C11orf71: variants seen among roughly 807,000 people sequenced by gnomAD.
C11orf71 encodes the protein chromosome 11 open reading frame 71.
For synonymous variants in C11orf71, 72 were observed against 73.4 expected (o/e 0.98, Z 0.09); for missense variants, 179 against 167.6 (o/e 1.07, Z -0.38).
downstream of C11orf71, among the ~76,000 whole-genome samples, chr11:114,394,241 TCTTTTCTTTTCTTTTC>T (rs1565256565): frequency 1.7e-5 from 1 of 58,622 alleles, no homozygotes; most frequent in African/African-American, 1.4e-4. Flanking sequence ...TCTTTTCTTT[TCTTTTCTTTTCTTTTC>T]TTTTCTTTTC....
downstream of C11orf71, among the ~76,000 whole-genome samples, chr11:114,394,228 C>CCTTTCCTTTCTTTTCTTTTCT (rs1946101542): frequency 6.2e-5 from 3 of 48,700 alleles, no homozygotes; most frequent in Non-Finnish European, 1.1e-4. Context: ...CTTTTCTTTT[C>CCTTTCCTTTCTTTTCTTTTCT]TTTCTTTTCT....
intron 1 of C11orf71, chr11:114,391,812 A>C (rs1946074919): frequency 4.3e-6 from 2 of 467,814 alleles, no homozygotes; most frequent in Non-Finnish European, 7.8e-6. Context: ...GTCACAAAAG[A>C]ATATGTGCAA....
At chr11:114,395,225 G>A (rs556553017), downstream of C11orf71, among the ~76,000 whole-genome samples, 1 of 152,266 alleles carries the variant, frequency 6.6e-6, no homozygotes, top group African/African-American at 2.4e-5. Context: ...GAGTGAGGAG[G>A]TGCCCTCTGC....
Position 114,400,236 on chromosome 11 carries a change from C to T in C11orf71, c.96G>A (p.Ala32=), listed in dbSNP as rs1156539042. 1 of 1,611,608 alleles carries T rather than the reference C, an allele frequency of 6.2e-7. No individual in the cohort carries two copies. Among genetic ancestry groups the T allele is most frequent in the East Asian group, 2.2e-5 (1 of 44,776 alleles). ...AGCCGTCTCCGGAGACCATCGCCAA[C>T]GCTGACGCCCGCGGTCTGAGGTCGC... is the stretch of plus-strand genomic sequence containing the variant. ...SHGDLRPRAS[A]LAMVSGDGFL... The change falls in exon 1 of 1, where the codon GCG becomes GCA. Residue 32 remains alanine (A), a synonymous_variant. Coordinates refer to ENST00000623205, the MANE Select transcript of C11orf71 (RefSeq NM_001271562.2).
Position 114,399,449 on chromosome 11 carries a change from G to C in C11orf71, c.*511C>G, listed in dbSNP as rs577349145. Reference sequence around the variant, plus strand: ...TTGCCAAAGAAAGGAATAATAAATTGATTTAATAATTTGAAAGAACTGTAA... The same window carrying C: ...TTGCCAAAGAAAGGAATAATAAATTCATTTAATAATTTGAAAGAACTGTAA... On this transcript the variant is annotated 3_prime_UTR_variant, in exon 1 of 1. Coordinates refer to ENST00000623205, the MANE Select transcript of C11orf71 (RefSeq NM_001271562.2). 2.0e-5 allele frequency: 3 copies of C among 152,452 alleles called. No homozygotes were observed. The highest frequency in any genetic ancestry group is 1.3e-4 in the Admixed American group (2 of 15,292). 9.4% of individuals were successfully genotyped at this position (152,452 alleles called of 1,614,324 possible).
At chr11:114,392,566 GA>G (rs1173516744) in intron 1 of C11orf71, among the ~76,000 whole-genome samples, 30 of 134,034 alleles carry the variant, frequency 2.2e-4, no homozygotes, top group Non-Finnish European at 3.6e-4. Context: ...AGAAGAAGAA[GA>G]AAAAAGAAAA....
downstream of C11orf71, among the ~76,000 whole-genome samples, chr11:114,396,172 C>A (rs1174274138): frequency 6.6e-6 from 1 of 152,202 alleles, no homozygotes; most frequent in Non-Finnish European, 1.5e-5. Flanking sequence ...TAAGGCATTT[C>A]TAATTACGTT....
Position 114,400,189 on chromosome 11 carries a change from G to T in C11orf71, c.143C>A (p.Ala48Glu). Residue 48 changes from alanine to glutamate, a missense_variant, in exon 1 of 1, where the codon GCG becomes GAG. Transcript: ENST00000623205. ...GDGFLVSRPE[A>E]IHLGPRQAVR... ...CGCCTGCCGAGGTCCTAGATGAATC[G>T]CTTCAGGCCTGGAAACGAGGAAGCC... The T allele has an allele frequency of 1.2e-6, 2 of 1,613,666 alleles. No individual in the cohort carries two copies. Among genetic ancestry groups the T allele is most frequent in the Non-Finnish European group, 8.5e-7 (1 of 1,179,820 alleles).
At chr11:114,394,228 C>CTTTCCTTTCTTTTCTTTTCT (rs1946102532), downstream of C11orf71, among the ~76,000 whole-genome samples, 5 of 48,704 alleles carry the variant, frequency 1.0e-4, no homozygotes, top group South Asian at 8.2e-4. Flanking sequence ...CTTTTCTTTT[C>CTTTCCTTTCTTTTCTTTTCT]TTTCTTTTCT....
chr11:114,400,200 G>A lies in C11orf71; in HGVS notation c.132C>T (p.Ser44=), dbSNP rs1946174210. The A allele has an allele frequency of 1.2e-6, 2 of 1,613,224 alleles. No homozygotes were observed. The highest frequency in any genetic ancestry group is 1.3e-5 in the African/African-American group (1 of 74,922). The change falls in exon 1 of 1, where the codon TCC becomes TCT. Residue 44 remains serine (S), a synonymous_variant. Coordinates refer to ENST00000623205, the MANE Select transcript of C11orf71 (RefSeq NM_001271562.2). ...GTCCTAGATGAATCGCTTCAGGCCT[G>A]GAAACGAGGAAGCCGTCTCCGGAGA... ...AMVSGDGFLV[S]RPEAIHLGPR... is the part of the protein sequence containing the mutation.
chr11:114,400,123 C>T lies in C11orf71; in HGVS notation c.209G>A (p.Gly70Asp). Residue 70 changes from glycine (G) to aspartate (D), a missense_variant, in exon 1 of 1, where the codon GGT becomes GAT. Coordinates refer to ENST00000623205, the MANE Select transcript of C11orf71 (RefSeq NM_001271562.2). Reference protein sequence around the residue: ...SVRAESRRVDGGGRSPREPDG... With the variant: ...SVRAESRRVDDGGRSPREPDG... Reference sequence around the variant, plus strand: ...TGGTTCCCTTGGGCTCCGGCCGCCACCATCCACTCGACGGCTCTCGGCCCG... The same window carrying T: ...TGGTTCCCTTGGGCTCCGGCCGCCATCATCCACTCGACGGCTCTCGGCCCG... 6.2e-7 allele frequency: 1 copy of T among 1,613,902 alleles called. No individual in the cohort carries two copies. The highest frequency in any genetic ancestry group is 8.5e-7 in the Non-Finnish European group (1 of 1,179,874).
At chr11:114,394,184 T>G (rs566448308), downstream of C11orf71, among the ~76,000 whole-genome samples, 464 of 49,514 alleles carry the variant, frequency 9.4e-3, 11 homozygotes, top group East Asian at 0.01. Context: ...GTTTCGTTTC[T>G]TTTCTTTTCT....
rs371890478 is a variant in C11orf71, at chr11:114,400,142, C to T, written c.190G>A (p.Glu64Lys). ...RQAVRPSVRAESRRVDGGGRS... is the reference protein window; with the variant it reads ...RQAVRPSVRAKSRRVDGGGRS... The stretch of plus-strand genomic sequence containing the variant: ...CCGCCACCATCCACTCGACGGCTCT[C>T]GGCCCGAACGCTTGGTCGCACCGCC... Residue 64 changes from glutamate (E) to lysine (K), a missense_variant, in exon 1 of 1, where the codon GAG becomes AAG. Coordinates refer to ENST00000623205, the MANE Select transcript of C11orf71 (RefSeq NM_001271562.2). 6.2e-7 allele frequency: 1 copy of T among 1,613,886 alleles called. No individual in the cohort carries two copies. The highest frequency in any genetic ancestry group is 8.5e-7 in the Non-Finnish European group (1 of 1,179,884).
At chr11:114,396,240 G>T (rs373501237), downstream of C11orf71, among the ~76,000 whole-genome samples, 1 of 152,218 alleles carries the variant, frequency 6.6e-6, no homozygotes, top group African/African-American at 2.4e-5. Flanking sequence ...TAAATTTATG[G>T]ACAAATAAAT....
At position 114,400,143 on chromosome 11, in the gene C11orf71, G is replaced by A; in HGVS notation, c.189C>T (p.Ala63=). ...CGCCACCATCCACTCGACGGCTCTC[G>A]GCCCGAACGCTTGGTCGCACCGCCT... The part of the protein sequence containing the change: ...PRQAVRPSVR[A]ESRRVDGGGR... The change falls in exon 1 of 1, where the codon GCC becomes GCT. Residue 63 remains alanine (A), a synonymous_variant. Coordinates refer to ENST00000623205, the MANE Select transcript of C11orf71 (RefSeq NM_001271562.2). 1 of 1,613,848 alleles carries A rather than the reference G, an allele frequency of 6.2e-7. No individual in the cohort carries two copies. The highest frequency in any genetic ancestry group is 8.5e-7 in the Non-Finnish European group (1 of 1,179,896).
At chr11:114,395,921 G>C (rs1007784720), downstream of C11orf71, among the ~76,000 whole-genome samples, 1 of 152,204 alleles carries the variant, frequency 6.6e-6, no homozygotes, top group African/African-American at 2.4e-5. Flanking sequence ...TGTTTAGAAA[G>C]AGTCTCCCTC....
Position 114,398,533 on chromosome 11 carries a change from T to G in C11orf71, c.*1427A>C, listed in dbSNP as rs1293294573. 1 of 152,150 alleles carries G rather than the reference T, an allele frequency of 6.6e-6. No homozygotes were observed. Among genetic ancestry groups the G allele is most frequent in the African/African-American group, 2.4e-5 (1 of 41,430 alleles). 9.4% of individuals were successfully genotyped at this position (152,150 alleles called of 1,614,324 possible). A position where few individuals can be genotyped will look rare whatever the true frequency, so the allele number is the denominator to read the frequency against. On this transcript the variant is annotated 3_prime_UTR_variant, in exon 1 of 1. Transcript: ENST00000623205. The stretch of plus-strand genomic sequence containing the variant: ...ATAAAGTTCCTTAGGAACACATACT[T>G]TTATCATGTTCACCACTTTATTCTA...
chr11:114,398,048 T>C (rs556041381), downstream of C11orf71, among the ~76,000 whole-genome samples: 13 of 152,364 alleles, frequency 8.5e-5, no homozygotes, highest in African/African-American at 3.1e-4. Context: ...CTTCACAAGA[T>C]TCAGCCTCTC....
chr11:114,392,547 A>AAAG (rs1555023951), intron 1 of C11orf71, among the ~76,000 whole-genome samples: 5 of 145,196 alleles, frequency 3.4e-5, no homozygotes, highest in Admixed American at 1.4e-4. Flanking sequence ...AAAAAAAAAA[A>AAAG]AAAGAAGAAG....
Sources: allele counts gnomAD v4.1 joint callset (sites outside exome capture counted in the v4.1 genomes callset), GRCh38; gene constraint gnomAD v4.1.1; transcripts MANE v1.5; gene names NCBI Gene and HGNC (gene_info 2026-07-23, HGNC 2026-07-21).